ECT2L: variants seen among roughly 807,000 people sequenced by gnomAD.
ECT2L encodes epithelial cell-transforming sequence 2 oncogene-like.
Under a neutral mutation model 122.8 loss-of-function variants are expected in ECT2L, and 126 were observed. The ratio of observed to expected loss-of-function variants is 1.03; its 90% CI spans 0.89 to 1.19. The LOEUF (loss-of-function observed/expected upper bound fraction) is 1.19, where lower values mean the gene tolerates loss of function less well. Among genes scored for constraint, ECT2L ranks in the 50% most tolerant of loss-of-function variants. The probability of loss-of-function intolerance (pLI) is 0.00; values close to 1 mark genes in which losing one functional copy is unlikely to be tolerated. For synonymous variants in ECT2L, 385 were observed against 381.8 expected, an observed-to-expected ratio of 1.01 and a Z score of -0.10; for missense variants, 1,012 against 1,064.1, an observed-to-expected ratio of 0.95 and a Z score of 0.68.
intron 4 of ECT2L, among the ~76,000 whole-genome samples, chr6:138,819,320 G>C (rs1038710544): frequency 6.6e-6 from 1 of 151,202 alleles, no homozygotes; most frequent in Non-Finnish European, 1.5e-5. Flanking sequence ...TGTGTGGATG[G>C]AGGGAAGGTT....
intron 20 of ECT2L, among the ~76,000 whole-genome samples, chr6:138,894,866 A>G (rs80291519): frequency 0.018 from 2,675 of 152,250 alleles, 84 homozygotes; most frequent in African/African-American, 0.061. Context: ...CTCTACTTAT[A>G]TTGATTTTGC....
intron 14 of ECT2L, among the ~76,000 whole-genome samples, chr6:138,878,180 G>A (rs981811453): frequency 6.6e-5 from 10 of 152,100 alleles, no homozygotes; most frequent in Non-Finnish European, 1.3e-4. Context: ...AAGACAGATT[G>A]CCCTACATAT....
At chr6:138,817,837 T>C (rs887308421) in intron 4 of ECT2L, among the ~76,000 whole-genome samples, 3 of 152,208 alleles carry the variant, frequency 2.0e-5, no homozygotes, top group Admixed American at 6.5e-5. Flanking sequence ...CTAGCAACTT[T>C]ATACCTCAAT....
intron 12 of ECT2L, among the ~76,000 whole-genome samples, chr6:138,867,810 C>T (rs1778099428): frequency 6.6e-6 from 1 of 150,958 alleles, no homozygotes; most frequent in Non-Finnish European, 1.5e-5. Context: ...GCCTGGGTGA[C>T]AAGAGCGAGA....
chr6:138,861,588 G>C (rs1458496701), intron 10 of ECT2L, among the ~76,000 whole-genome samples: 1 of 151,768 alleles, frequency 6.6e-6, no homozygotes, highest in East Asian at 1.9e-4. Context: ...TTTTTTTCTT[G>C]TAAATTTGTT....
intron 5 of ECT2L, among the ~76,000 whole-genome samples, chr6:138,839,520 C>T (rs777156832): frequency 2.6e-5 from 4 of 152,040 alleles, no homozygotes; most frequent in African/African-American, 7.2e-5. Flanking sequence ...TGCACTACCA[C>T]GTCCAGCTAA....
intron 4 of ECT2L, among the ~76,000 whole-genome samples, chr6:138,814,809 T>C (rs1471849131): frequency 6.6e-6 from 1 of 152,240 alleles, no homozygotes; most frequent in Non-Finnish European, 1.5e-5. Flanking sequence ...AATGCTTTCA[T>C]ACTATGGTGG....
intron 4 of ECT2L, among the ~76,000 whole-genome samples, chr6:138,834,464 G>A (rs1776753855): frequency 6.6e-6 from 1 of 152,128 alleles, no homozygotes; most frequent in Non-Finnish European, 1.5e-5. Context: ...ACTTTTGGAA[G>A]TAATTCATAT....
chr6:138,879,936 G>A (rs1352516596), intron 14 of ECT2L, among the ~76,000 whole-genome samples: 1 of 151,928 alleles, frequency 6.6e-6, no homozygotes. Context: ...CTGGAAAAGA[G>A]AGTAAGACTC....
At chr6:138,819,831 G>A (rs1385404574) in intron 4 of ECT2L, among the ~76,000 whole-genome samples, 1 of 151,520 alleles carries the variant, frequency 6.6e-6, no homozygotes, top group Non-Finnish European at 1.5e-5. Context: ...AGGTTGCAGT[G>A]AACTGAGATC....
At chr6:138,805,034 C>T (rs1379250572) in intron 1 of ECT2L, among the ~76,000 whole-genome samples, 2 of 152,170 alleles carry the variant, frequency 1.3e-5, no homozygotes, top group Admixed American at 6.5e-5. Flanking sequence ...CTTATCTTGA[C>T]GTCTAACACT....
chr6:138,902,442 T>A (rs572131349), intron 21 of ECT2L, 58 bp from the exon 22 acceptor site: 443 of 1,513,090 alleles, frequency 2.9e-4, no homozygotes, highest in Non-Finnish European at 2.7e-4. Context: ...TTAACATTTT[T>A]TCTCATTTTG....
chr6:138,824,937 A>G (rs1358313254), intron 4 of ECT2L, among the ~76,000 whole-genome samples: 1 of 152,196 alleles, frequency 6.6e-6, no homozygotes, highest in Non-Finnish European at 1.5e-5. Flanking sequence ...TATTATGAAC[A>G]CACAGGAAGT....
At chr6:138,876,667 G>GA in intron 14 of ECT2L, 109 bp downstream of exon 14, 2 of 593,434 alleles carry the variant, frequency 3.4e-6, no homozygotes, top group East Asian at 3.5e-5. Context: ...CCCTTTGGGG[G>GA]ATTAAAAAAA....
intron 8 of ECT2L, among the ~76,000 whole-genome samples, chr6:138,847,637 A>G (rs923106461): frequency 6.6e-6 from 1 of 151,206 alleles, no homozygotes; most frequent in African/African-American, 2.4e-5. Flanking sequence ...TTGGCCTCCC[A>G]AAGTGCTGGG....
intron 16 of ECT2L, among the ~76,000 whole-genome samples, chr6:138,883,508 C>T (rs1250597311): frequency 6.6e-6 from 1 of 152,172 alleles, no homozygotes; most frequent in Non-Finnish European, 1.5e-5. Flanking sequence ...TGTCACATGG[C>T]AGCACACTTC....
chr6:138,844,318 TG>T, intron 6 of ECT2L, 93 bp from the exon 7 acceptor site: 2 of 1,423,906 alleles, frequency 1.4e-6, no homozygotes, highest in Non-Finnish European at 1.9e-6. Context: ...AACCTTGCCC[TG>T]GTACAGCTTT....
At chr6:138,799,301 T>TA (rs1447339685) in intron 1 of ECT2L, among the ~76,000 whole-genome samples, 7 of 152,102 alleles carry the variant, frequency 4.6e-5, no homozygotes, top group African/African-American at 1.7e-4. Context: ...TCACCCAGGC[T>TA]GGAGTGCAGT....
At chr6:138,854,340 A>C (rs1421983006) in intron 10 of ECT2L, among the ~76,000 whole-genome samples, 186 bp downstream of exon 10, 1 of 152,288 alleles carries the variant, frequency 6.6e-6, no homozygotes, top group Admixed American at 6.5e-5. Flanking sequence ...GATGAAAGTA[A>C]CCTGTCTCTA....
Sources: gnomAD v4.1 joint callset for allele counts (sites outside exome capture counted in the v4.1 genomes callset) on GRCh38, gnomAD v4.1.1 for gene constraint, MANE v1.5 for transcripts, NCBI Gene and HGNC (gene_info 2026-07-23, HGNC 2026-07-21) for gene names.